ADAMTSL1: variants seen among roughly 807,000 people sequenced by gnomAD.
ADAMTSL1 encodes ADAMTS-like protein 1.
A neutral mutation model predicts 201.8 loss-of-function variants in ADAMTSL1; 126 were observed. That is an observed-to-expected ratio of 0.62 (90% CI 0.54 to 0.72). The LOEUF is 0.72. Among genes scored for constraint, ADAMTSL1 ranks in the 30% least tolerant of loss-of-function variants. ADAMTSL1 has a pLI of 0.00. For missense variants in ADAMTSL1, 2,679 were observed against 2,277.8 expected, an observed-to-expected ratio of 1.18 and a Z score of -3.59; for synonymous variants, 1,121 against 903.4, an observed-to-expected ratio of 1.24 and a Z score of -4.32.
At chr9:18,177,543 A>G (rs997532779) in intron 2 of ADAMTSL1, among the ~76,000 whole-genome samples, 4 of 152,186 alleles carry the variant, frequency 2.6e-5, no homozygotes, top group African/African-American at 9.6e-5. Flanking sequence ...GTATGATCAA[A>G]GGTGCTAGGG....
intron 2 of ADAMTSL1, among the ~76,000 whole-genome samples, chr9:18,273,341 A>T (rs374816558): frequency 5.3e-5 from 8 of 151,936 alleles, no homozygotes; most frequent in Non-Finnish European, 8.8e-5. Context: ...TTGGCCTCTC[A>T]AAGTGCTGGG....
At chr9:18,742,534 C>A (rs1374686263) in intron 15 of ADAMTSL1, among the ~76,000 whole-genome samples, 2 of 152,174 alleles carry the variant, frequency 1.3e-5, no homozygotes, top group African/African-American at 2.4e-5. Flanking sequence ...CCAATGGAAT[C>A]TCAAGGACGG....
At chr9:18,718,440 C>G in intron 14 of ADAMTSL1, 2 of 629,972 alleles carry the variant, frequency 3.2e-6, no homozygotes, top group Admixed American at 1.9e-5. Context: ...ACATATTTTT[C>G]AACAAAAATT....
chr9:18,718,383 T>G, intron 14 of ADAMTSL1: 1 of 706,966 alleles, frequency 1.4e-6, no homozygotes, highest in Non-Finnish European at 2.7e-6. Flanking sequence ...CATACACTGC[T>G]GTGCATCTAC....
At chr9:18,416,797 C>T (rs1254893460) in intron 2 of ADAMTSL1, among the ~76,000 whole-genome samples, 1 of 151,782 alleles carries the variant, frequency 6.6e-6, no homozygotes, top group African/African-American at 2.4e-5. Flanking sequence ...GGGTAAAACC[C>T]CAGGAGAAAT....
intron 2 of ADAMTSL1, among the ~76,000 whole-genome samples, chr9:18,384,431 G>A (rs1837700435): frequency 6.6e-6 from 1 of 152,152 alleles, no homozygotes; most frequent in East Asian, 1.9e-4. Context: ...TAGGGACACA[G>A]AGCCAAACCA....
chr9:18,600,024 C>G (rs1055226899), intron 4 of ADAMTSL1, among the ~76,000 whole-genome samples: 8 of 143,730 alleles, frequency 5.6e-5, no homozygotes, highest in Admixed American at 4.9e-4. Flanking sequence ...AAAAAAAATT[C>G]GGATCTGCAG....
chr9:17,966,302 C>CT (rs1389220123), intron 1 of ADAMTSL1, among the ~76,000 whole-genome samples: 3 of 152,196 alleles, frequency 2.0e-5, no homozygotes, highest in East Asian at 1.9e-4. Context: ...TGCTCATTTA[C>CT]TTTTTTTAAC....
intron 1 of ADAMTSL1, among the ~76,000 whole-genome samples, chr9:18,078,555 C>G (rs914036324): frequency 6.6e-6 from 1 of 152,166 alleles, no homozygotes; most frequent in African/African-American, 2.4e-5. Flanking sequence ...AAGGTTTCTG[C>G]TCAACAGATA....
chr9:18,883,479 C>T (rs1828665612), intron 23 of ADAMTSL1, among the ~76,000 whole-genome samples: 1 of 152,152 alleles, frequency 6.6e-6, no homozygotes, highest in African/African-American at 2.4e-5. Flanking sequence ...TTTTTAAGTG[C>T]ACAGTTTGAT....
chr9:18,406,337 T>TTCTTTTCTTTTCTTC (rs1320560576), intron 2 of ADAMTSL1, among the ~76,000 whole-genome samples: 2,469 of 109,814 alleles, frequency 0.022, 94 homozygotes, highest in African/African-American at 0.086. Flanking sequence ...TTCTTTTCTT[T>TTCTTTTCTTTTCTTC]TCTTTTTTTG....
At chr9:18,570,221 A>G (rs990165760) in intron 3 of ADAMTSL1, among the ~76,000 whole-genome samples, 2 of 151,840 alleles carry the variant, frequency 1.3e-5, no homozygotes, top group Non-Finnish European at 2.9e-5. Context: ...ATTCGCCACA[A>G]AAGGAAAAAA....
intron 9 of ADAMTSL1, among the ~76,000 whole-genome samples, chr9:18,663,870 T>A (rs1341322676): frequency 2.0e-5 from 3 of 152,138 alleles, no homozygotes; most frequent in Non-Finnish European, 4.4e-5. Context: ...TTGGAGAAAC[T>A]TTTTTGGCCT....
intron 1 of ADAMTSL1, among the ~76,000 whole-genome samples, chr9:18,110,031 C>T (rs889477310): frequency 6.6e-6 from 1 of 152,196 alleles, no homozygotes; most frequent in Non-Finnish European, 1.5e-5. Flanking sequence ...TTAAGCTACT[C>T]CCCAAGCCTA....
In ADAMTSL1 at chr9:18,396,094, C is replaced by T. The variant is rs1817741416; in HGVS notation, c.208-108735C>T. ...ATTTGCATAGGTTATCTACTGTAAC[C>T]CACAAGGCAGTCAGTGACCCCATAC... On this transcript the variant is annotated intron_variant, in intron 2 of 29. Transcript: ENST00000680146. Among the ~76,000 whole-genome samples the T allele has an allele frequency of 1.3e-5, 2 of 152,162 alleles. 1 individual carries two copies. Among genetic ancestry groups the T allele is most frequent in the South Asian group, 4.1e-4 (2 of 4,832 alleles).
chr9:18,402,682 A>G (rs1339659018), intron 2 of ADAMTSL1, among the ~76,000 whole-genome samples: 1 of 152,136 alleles, frequency 6.6e-6, no homozygotes, highest in Non-Finnish European at 1.5e-5. Context: ...TTCTTGCTCC[A>G]GGCCTTTGGT....
intron 15 of ADAMTSL1, among the ~76,000 whole-genome samples, chr9:18,751,034 A>G (rs1434773638): frequency 6.6e-6 from 1 of 152,190 alleles, no homozygotes; most frequent in Admixed American, 6.5e-5. Flanking sequence ...GTCACATAGC[A>G]TCACTTCTGC....
chr9:18,291,007 T>C (rs1034525515), intron 2 of ADAMTSL1, among the ~76,000 whole-genome samples: 1 of 152,042 alleles, frequency 6.6e-6, no homozygotes, highest in Non-Finnish European at 1.5e-5. Context: ...GGTCTCTGTC[T>C]CCTGACCTTG....
intron 15 of ADAMTSL1, among the ~76,000 whole-genome samples, chr9:18,745,007 G>A (rs774569411): frequency 6.6e-6 from 1 of 152,096 alleles, no homozygotes; most frequent in South Asian, 2.1e-4. Context: ...TCTCATTACT[G>A]GTGATGTTCA....
Sources: allele counts gnomAD v4.1 joint callset (sites outside exome capture counted in the v4.1 genomes callset), GRCh38; gene constraint gnomAD v4.1.1; transcripts MANE v1.5; gene names NCBI Gene and HGNC (gene_info 2026-07-23, HGNC 2026-07-21).